PDE8A: variants seen among roughly 807,000 people sequenced by gnomAD.
PDE8A encodes the protein high affinity cAMP-specific and IBMX-insensitive 3',5'-cyclic phosphodiesterase 8A.
A neutral mutation model predicts 105.0 loss-of-function variants in PDE8A; 59 were observed. The observed-to-expected ratio is 0.56, with a 90% CI of 0.46 to 0.70. The LOEUF is 0.70. Ranked by LOEUF, PDE8A falls within the 30% of genes least tolerant of loss-of-function variation. PDE8A has a pLI of 0.00. For missense variants in PDE8A, 1,014 were observed against 1,045.9 expected (o/e 0.97, Z 0.42); for synonymous variants, 355 against 371.9 (o/e 0.95, Z 0.52).
chr15:85,020,829 C>T (rs1188310657), intron 1 of PDE8A, among the ~76,000 whole-genome samples: 1 of 151,976 alleles, frequency 6.6e-6, no homozygotes, highest in Non-Finnish European at 1.5e-5. Context: ...CCTTTACATC[C>T]CTTCAGTGTG....
At chr15:85,029,553 C>G (rs2080578107) in intron 1 of PDE8A, among the ~76,000 whole-genome samples, 1 of 151,952 alleles carries the variant, frequency 6.6e-6, no homozygotes, top group Non-Finnish European at 1.5e-5. Context: ...ATCTTCTTCC[C>G]AAATATACAT....
intron 21 of PDE8A, 33 bp from the exon 22 acceptor site, chr15:85,137,764 G>GA (rs771669362): frequency 6.8e-6 from 9 of 1,321,184 alleles, no homozygotes; most frequent in Non-Finnish European, 9.9e-6. Flanking sequence ...CAGAGGCTGT[G>GA]AAAGCATATC....
intron 1 of PDE8A, among the ~76,000 whole-genome samples, chr15:85,062,213 C>T (rs1386619219): frequency 6.6e-6 from 1 of 152,110 alleles, no homozygotes; most frequent in Non-Finnish European, 1.5e-5. Flanking sequence ...TGTGGTAACT[C>T]TGGAAATCAT....
chr15:85,027,772 CTG>C (rs985773434), intron 1 of PDE8A, among the ~76,000 whole-genome samples: 2 of 152,072 alleles, frequency 1.3e-5, no homozygotes, highest in African/African-American at 2.4e-5. Context: ...ATACAGATAA[CTG>C]TTATTTTACC....
At chr15:85,075,808 T>A in intron 3 of PDE8A, 54 bp from the exon 4 acceptor site, 1 of 949,704 alleles carries the variant, frequency 1.1e-6, no homozygotes. Flanking sequence ...TAAGTATATT[T>A]GGTTTTTAAG....
At chr15:85,069,541 A>G (rs1363321490) in intron 3 of PDE8A, among the ~76,000 whole-genome samples, 4 of 152,126 alleles carry the variant, frequency 2.6e-5, no homozygotes, top group African/African-American at 7.2e-5. Flanking sequence ...CCTTACTGCT[A>G]TGAGTGGCTC....
chr15:85,046,065 C>CTTTTT (rs34486009), intron 1 of PDE8A, among the ~76,000 whole-genome samples: 1 of 124,440 alleles, frequency 8.0e-6, no homozygotes, highest in Non-Finnish European at 1.7e-5. Context: ...CTTTCTGTTT[C>CTTTTT]TTTTTTTTTT....
intron 5 of PDE8A, among the ~76,000 whole-genome samples, chr15:85,081,719 G>C (rs2081469550): frequency 6.6e-6 from 1 of 152,132 alleles, no homozygotes. Flanking sequence ...GAGATGTTTA[G>C]ATAAAGAGAA....
intron 3 of PDE8A, 109 bp from the exon 4 acceptor site, chr15:85,075,753 A>T: frequency 1.7e-6 from 1 of 596,536 alleles, no homozygotes; most frequent in Non-Finnish European, 2.9e-6. Flanking sequence ...GGGATCATTT[A>T]CTCTCCCTTC....
At chr15:85,068,140 A>G (rs1473719101) in intron 3 of PDE8A, among the ~76,000 whole-genome samples, 1 of 152,110 alleles carries the variant, frequency 6.6e-6, no homozygotes, top group Non-Finnish European at 1.5e-5. Flanking sequence ...TCCAGGGTTC[A>G]AGGGATTCTC....
intron 1 of PDE8A, among the ~76,000 whole-genome samples, chr15:85,027,382 C>T (rs1176342252): frequency 6.6e-6 from 1 of 152,172 alleles, no homozygotes; most frequent in Non-Finnish European, 1.5e-5. Context: ...GAGACAGCTA[C>T]CTCGCCTGAG....
At chr15:85,127,885 T>C (rs776731056) in intron 20 of PDE8A, among the ~76,000 whole-genome samples, 1 of 152,040 alleles carries the variant, frequency 6.6e-6, no homozygotes, top group Non-Finnish European at 1.5e-5. Flanking sequence ...ATGCCCTGTT[T>C]GGCTTCAAAA....
intron 1 of PDE8A, among the ~76,000 whole-genome samples, chr15:85,046,354 TTC>T (rs1172895889): frequency 6.6e-6 from 1 of 152,212 alleles, no homozygotes; most frequent in Non-Finnish European, 1.5e-5. Context: ...CAGCCATTCT[TTC>T]TGTTTCTTAA....
intron 1 of PDE8A, among the ~76,000 whole-genome samples, chr15:85,053,035 A>G (rs1456633686): frequency 3.3e-5 from 5 of 152,238 alleles, no homozygotes; most frequent in Non-Finnish European, 7.3e-5. Flanking sequence ...AGCTTTCTAC[A>G]TATGGCTAGC....
Position 85,138,120 on chromosome 15 carries a change from C to T in PDE8A, c.*217C>T. 1 of 483,938 alleles carries T rather than the reference C, an allele frequency of 2.1e-6. No individual in the cohort carries two copies. The highest frequency in any genetic ancestry group is 3.7e-6 in the Non-Finnish European group (1 of 270,176). 30.0% of individuals were successfully genotyped at this position (483,938 alleles called of 1,614,324 possible). A position where few individuals can be genotyped will look rare whatever the true frequency, so the allele number is the denominator to read the frequency against. The stretch of plus-strand genomic sequence containing the variant: ...TGGCCACTGTAGCCTGGGCCTGCTG[C>T]AGGAGCTCTTCAGAAAGGCACATGA... On this transcript the variant is annotated 3_prime_UTR_variant, in exon 22 of 22. Coordinates refer to ENST00000394553, the MANE Select transcript of PDE8A (RefSeq NM_002605.3).
intron 1 of PDE8A, among the ~76,000 whole-genome samples, chr15:85,001,534 G>A (rs550479456): frequency 1.3e-5 from 2 of 152,198 alleles, no homozygotes; most frequent in Non-Finnish European, 2.9e-5. Flanking sequence ...GTGGAAGAAG[G>A]TCACGGAGAA....
At chr15:85,015,322 G>T (rs1412757366) in intron 1 of PDE8A, among the ~76,000 whole-genome samples, 2 of 151,986 alleles carry the variant, frequency 1.3e-5, no homozygotes, top group African/African-American at 4.8e-5. Flanking sequence ...GACCTCCCGG[G>T]CTCAGGTGAT....
chr15:85,113,950 T>C lies in PDE8A; in HGVS notation c.1263T>C (p.Ile421=). 1 of 1,613,834 alleles carries C rather than the reference T, an allele frequency of 6.2e-7. No individual in the cohort carries two copies. The highest frequency in any genetic ancestry group is 1.1e-5 in the South Asian group (1 of 91,084). Residue 421 remains isoleucine, a synonymous_variant, in exon 14 of 22, where the codon ATT becomes ATC. Transcript: ENST00000394553. ...VTEALDRVLE[I]LRTTELYSPQ... ...AAGCCCTAGACCGTGTGCTGGAAAT[T>C]CTAAGAACCACTGAGTTATATTCAC...
intron 17 of PDE8A, among the ~76,000 whole-genome samples, chr15:85,118,375 C>T (rs1286707578): frequency 1.3e-5 from 2 of 152,146 alleles, no homozygotes; most frequent in Non-Finnish European, 2.9e-5. Flanking sequence ...ATCATCTGAC[C>T]TTGCCTCCTG....
Sources: gnomAD v4.1 joint callset for allele counts (sites outside exome capture counted in the v4.1 genomes callset) on GRCh38, gnomAD v4.1.1 for gene constraint, MANE v1.5 for transcripts, NCBI Gene and HGNC (gene_info 2026-07-23, HGNC 2026-07-21) for gene names.